Variants in SLC25A48 observed in about 807,000 individuals in gnomAD.
The protein encoded by SLC25A48 is solute carrier family 25 member 48.
In SLC25A48, 29 loss-of-function variants were observed where a neutral mutation model predicts 32.2. That is an observed-to-expected ratio of 0.90 (90% confidence interval 0.67 to 1.23). The LOEUF is 1.23. Among genes scored for constraint, SLC25A48 ranks in the 50% most tolerant of loss-of-function variants. The pLI is 0.00. For missense variants in SLC25A48, 399 were observed against 422.7 expected (o/e 0.94, Z 0.49); for synonymous variants, 164 against 172.3 (o/e 0.95, Z 0.38).
intron 3 of SLC25A48, among the ~76,000 whole-genome samples, chr5:135,807,177 C>A (rs1218801259): frequency 2.0e-5 from 3 of 150,196 alleles, no homozygotes; most frequent in African/African-American, 7.3e-5. Context: ...TTTTAAATAT[C>A]ATGGATATTT....
chr5:135,853,294 A>G (rs2074132739), intron 4 of SLC25A48, among the ~76,000 whole-genome samples: 2 of 152,204 alleles, frequency 1.3e-5, no homozygotes. Context: ...TTAAAATAAG[A>G]CAACAATGAA....
chr5:135,871,995 G>C, intron 5 of SLC25A48: 1 of 1,325,282 alleles, frequency 7.5e-7, no homozygotes, highest in Non-Finnish European at 9.7e-7. Context: ...CTAAGCTTTG[G>C]AAAGGAAATC....
intron 7 of SLC25A48, among the ~76,000 whole-genome samples, chr5:135,881,377 G>A (rs1762463052): frequency 6.6e-6 from 1 of 152,236 alleles, no homozygotes; most frequent in African/African-American, 2.4e-5. Flanking sequence ...CCAGAACCTG[G>A]ACAAAGGGAG....
At chr5:135,646,217 A>G (rs1752955000) in intron 3 of SLC25A48, among the ~76,000 whole-genome samples, 1 of 152,070 alleles carries the variant, frequency 6.6e-6, no homozygotes, top group Non-Finnish European at 1.5e-5. Flanking sequence ...TGTTGGTGGC[A>G]TTCTCACTGA....
chr5:135,798,623 G>T (rs1353741328), intron 3 of SLC25A48, among the ~76,000 whole-genome samples: 3 of 151,506 alleles, frequency 2.0e-5, no homozygotes, highest in South Asian at 2.1e-4. Flanking sequence ...CCAAAATTTT[G>T]CACCCCCTGC....
chr5:135,579,965 C>T (rs1270505069), intron 1 of SLC25A48, among the ~76,000 whole-genome samples: 1 of 152,228 alleles, frequency 6.6e-6, no homozygotes, highest in Non-Finnish European at 1.5e-5. Context: ...TGCAGATCAT[C>T]ACAGTGTTTC....
intron 4 of SLC25A48, among the ~76,000 whole-genome samples, chr5:135,814,561 G>T (rs1162144237): frequency 6.6e-6 from 1 of 152,140 alleles, no homozygotes; most frequent in East Asian, 1.9e-4. Flanking sequence ...CTTCTAGATG[G>T]TGCAGTCTGT....
intron 1 of SLC25A48, 97 bp downstream of exon 1, chr5:135,834,990 C>A: frequency 7.1e-7 from 1 of 1,405,070 alleles, no homozygotes; most frequent in South Asian, 1.3e-5. Context: ...GCGCTGCCAT[C>A]CCGCTCCCCG....
intron 2 of SLC25A48, 112 bp downstream of exon 2, chr5:135,842,571 A>C (rs1759098318): frequency 1.7e-6 from 2 of 1,143,264 alleles, no homozygotes; most frequent in Non-Finnish European, 1.3e-6. Context: ...CCCAGGGCAG[A>C]CTCTCTGTTG....
At chr5:135,679,900 G>C (rs1444981622) in intron 3 of SLC25A48, among the ~76,000 whole-genome samples, 1 of 152,132 alleles carries the variant, frequency 6.6e-6, no homozygotes. Context: ...CCTTCACATG[G>C]TCTCCAGGCG....
At chr5:135,785,969 A>G (rs1756837048) in intron 3 of SLC25A48, among the ~76,000 whole-genome samples, 1 of 151,094 alleles carries the variant, frequency 6.6e-6, no homozygotes, top group Admixed American at 6.6e-5. Flanking sequence ...ATTACGGCCC[A>G]TGGGGCGGGG....
At chr5:135,823,690 T>C (rs574584486) in intron 4 of SLC25A48, among the ~76,000 whole-genome samples, 63 of 152,284 alleles carry the variant, frequency 4.1e-4, no homozygotes, top group African/African-American at 1.4e-3. Context: ...GAGGAACGGG[T>C]GCTCTGAATG....
At chr5:135,816,217 A>G (rs892101708) in intron 4 of SLC25A48, among the ~76,000 whole-genome samples, 2 of 152,188 alleles carry the variant, frequency 1.3e-5, no homozygotes, top group Non-Finnish European at 2.9e-5. Context: ...CTCCCTCAAC[A>G]TGTGGGGATT....
rs1163533743 is a variant in SLC25A48 at position 135,766,112 on chromosome 5, C to T, written c.-520-46411C>T. ...TTCTCCCCATATCGCGGGGGATGTA[C>T]AGCCCCCTGTGATATGATTCATAAT... On this transcript the variant is annotated intron_variant, in intron 3 of 10. Transcript: ENST00000646290. Among the ~76,000 whole-genome samples the T allele has an allele frequency of 2.0e-5, 3 of 151,892 alleles. No homozygotes were observed. The South Asian group carries it at 6.2e-4, about 32-fold the overall frequency.
upstream of SLC25A48, among the ~76,000 whole-genome samples, chr5:135,831,671 T>C (rs1480306061): frequency 1.3e-5 from 2 of 152,190 alleles, no homozygotes; most frequent in Admixed American, 1.3e-4. Flanking sequence ...GTCACACACA[T>C]GCACAGAATG....
At chr5:135,718,433 C>G (rs1337619480) in intron 3 of SLC25A48, among the ~76,000 whole-genome samples, 1 of 152,180 alleles carries the variant, frequency 6.6e-6, no homozygotes, top group Non-Finnish European at 1.5e-5. Context: ...GGAAGAATCT[C>G]TCTCTTTGAG....
intron 3 of SLC25A48, among the ~76,000 whole-genome samples, chr5:135,786,426 G>A (rs952953744): frequency 6.6e-6 from 1 of 152,030 alleles, no homozygotes; most frequent in African/African-American, 2.4e-5. Context: ...TATACTCTGT[G>A]ATATTGTTTG....
chr5:135,623,718 C>T (rs764847086), intron 1 of SLC25A48, among the ~76,000 whole-genome samples: 2 of 152,186 alleles, frequency 1.3e-5, no homozygotes, highest in South Asian at 2.1e-4. Flanking sequence ...AGAGGAGACA[C>T]CCAGGAAATC....
intron 3 of SLC25A48, among the ~76,000 whole-genome samples, chr5:135,810,838 G>A (rs1342003067): frequency 6.6e-6 from 1 of 152,176 alleles, no homozygotes; most frequent in Non-Finnish European, 1.5e-5. Context: ...TCCATTTTTA[G>A]CCCATTTGCC....
Sources: gnomAD v4.1 joint callset for allele counts (sites outside exome capture counted in the v4.1 genomes callset) on GRCh38, gnomAD v4.1.1 for gene constraint, MANE v1.5 for transcripts, NCBI Gene and HGNC (gene_info 2026-07-23, HGNC 2026-07-21) for gene names.